CTNNA3: variants seen among roughly 807,000 people sequenced by gnomAD.
CTNNA3 encodes catenin alpha-3.
A neutral mutation model predicts 95.7 loss-of-function variants in CTNNA3; 76 were observed. The ratio of observed to expected loss-of-function variants is 0.79; its 90% confidence interval spans 0.66 to 0.96. CTNNA3 has a LOEUF of 0.96. Among genes scored for constraint, CTNNA3 ranks in the 40% least tolerant of loss-of-function variants. The pLI is 0.00. For missense variants in CTNNA3, 1,191 were observed against 1,089.8 expected (o/e 1.09, Z -1.31); for synonymous variants, 431 against 374.4 (o/e 1.15, Z -1.74).
chr10:67,630,435 G>A (rs2133434510), intron 2 of CTNNA3, among the ~76,000 whole-genome samples: 1 of 152,220 alleles, frequency 6.6e-6, no homozygotes, highest in South Asian at 2.1e-4. Context: ...TATTAGCCTG[G>A]GTCTCTGAGT....
intron 17 of CTNNA3, among the ~76,000 whole-genome samples, chr10:65,929,826 C>G (rs966096967): frequency 1.3e-5 from 2 of 152,046 alleles, no homozygotes; most frequent in Non-Finnish European, 2.9e-5. Flanking sequence ...CTTGGCCTCC[C>G]AAAGTGTTAG....
chr10:66,644,418 C>T (rs1490717990), intron 9 of CTNNA3, among the ~76,000 whole-genome samples: 1 of 147,232 alleles, frequency 6.8e-6, no homozygotes, highest in Non-Finnish European at 1.5e-5. Context: ...GAGACCAAGT[C>T]TCTTACTTGA....
At chr10:66,522,748 G>A (rs7923033) in intron 10 of CTNNA3, among the ~76,000 whole-genome samples, 36,271 of 150,794 alleles carry the variant, frequency 0.24, 5,378 homozygotes, top group East Asian at 0.79. Context: ...TTTTTAACCC[G>A]TCAAACTAGA....
intron 12 of CTNNA3, among the ~76,000 whole-genome samples, chr10:66,290,852 A>ATTCG (rs1366693270): frequency 5.3e-5 from 8 of 152,170 alleles, no homozygotes; most frequent in African/African-American, 1.9e-4. Flanking sequence ...ATGGTCATTC[A>ATTCG]GGTTTATCAG....
chr10:67,579,939 C>T (rs982313499), intron 3 of CTNNA3, among the ~76,000 whole-genome samples: 74 of 152,004 alleles, frequency 4.9e-4, no homozygotes, highest in African/African-American at 1.7e-3. Flanking sequence ...AGTTCTTTAT[C>T]GATTCTGGAT....
Position 65,979,075 on chromosome 10 carries a change from T to A in CTNNA3, c.2265+9617A>T, listed in dbSNP as rs142578079. On this transcript the variant is annotated intron_variant, in intron 16 of 17. Transcript: ENST00000433211. ...GGCATATCTCAATGAATAAAGGTTG[T>A]TTTTACCAGAAGTTATATATGCTGT... Among the ~76,000 whole-genome samples, 137 of 152,276 alleles carry A rather than the reference T, an allele frequency of 9.0e-4. 2 individuals carry two copies. Among genetic ancestry groups the A allele is most frequent in the African/African-American group, 3.1e-3 (130 of 41,586 alleles).
chr10:67,650,684 C>T (rs140401629), intron 1 of CTNNA3, among the ~76,000 whole-genome samples: 1 of 152,254 alleles, frequency 6.6e-6, no homozygotes, highest in East Asian at 1.9e-4. Context: ...TCATGGGGTG[C>T]ACACATTCAG....
chr10:66,081,171 T>C (rs567056387), intron 14 of CTNNA3, among the ~76,000 whole-genome samples: 2 of 152,156 alleles, frequency 1.3e-5, no homozygotes, highest in African/African-American at 4.8e-5. Context: ...GAAAGAGATA[T>C]GATGTAAGTG....
intron 7 of CTNNA3, among the ~76,000 whole-genome samples, chr10:66,889,014 A>T (rs1310460933): frequency 1.3e-5 from 2 of 152,226 alleles, no homozygotes; most frequent in African/African-American, 2.4e-5. Flanking sequence ...GGGTATATCC[A>T]GACAATGGAA....
At chr10:66,986,975 C>G (rs1476527514) in intron 7 of CTNNA3, among the ~76,000 whole-genome samples, 3 of 152,070 alleles carry the variant, frequency 2.0e-5, no homozygotes, top group African/African-American at 7.2e-5. Flanking sequence ...ATGGGCCTCA[C>G]TAATAAGCTG....
intron 7 of CTNNA3, among the ~76,000 whole-genome samples, chr10:67,140,927 G>A (rs1434270082): frequency 2.0e-5 from 3 of 152,140 alleles, no homozygotes; most frequent in African/African-American, 7.2e-5. Flanking sequence ...TGGGTGAGGT[G>A]TTGATCATAT....
At chr10:67,097,721 C>T (rs868309511) in intron 7 of CTNNA3, 2 of 1,612,650 alleles carry the variant, frequency 1.2e-6, no homozygotes, top group Admixed American at 1.7e-5. Context: ...TGGAAACACA[C>T]CTAGAGACTG....
At chr10:66,921,073 C>T (rs1846760923) in intron 7 of CTNNA3, among the ~76,000 whole-genome samples, 1 of 152,170 alleles carries the variant, frequency 6.6e-6, no homozygotes. Flanking sequence ...ATTTATTTCT[C>T]ACAGTTCTAA....
At chr10:66,934,180 GA>G (rs904543386) in intron 7 of CTNNA3, among the ~76,000 whole-genome samples, 2 of 151,000 alleles carry the variant, frequency 1.3e-5, no homozygotes, top group African/African-American at 2.4e-5. Flanking sequence ...CCATTTTATT[GA>G]AAAAAAAGAA....
chr10:66,290,983 C>T (rs929744660), intron 12 of CTNNA3, among the ~76,000 whole-genome samples: 2 of 152,138 alleles, frequency 1.3e-5, no homozygotes, highest in Non-Finnish European at 2.9e-5. Flanking sequence ...CAGAAAGCCT[C>T]AGATCAGGAT....
rs188022557 is a variant in CTNNA3, at chr10:66,605,453, C to A, written c.1374+16239G>T. On this transcript the variant is annotated intron_variant, in intron 10 of 17. Coordinates refer to ENST00000433211, the MANE Select transcript of CTNNA3 (RefSeq NM_013266.4). ...GGCCAACATTCAAATTCAGGAAATG[C>A]GAAGAACCCCAGTAAGATACTTCAC... 6.0e-4 allele frequency among the ~76,000 whole-genome samples: 92 copies of A among 152,108 alleles called. 2 individuals are homozygous for A. Among genetic ancestry groups the A allele is most frequent in the African/African-American group, 2.2e-3 (92 of 41,512 alleles).
chr10:66,439,157 T>C (rs996764921), intron 11 of CTNNA3, among the ~76,000 whole-genome samples: 3 of 152,114 alleles, frequency 2.0e-5, no homozygotes, highest in African/African-American at 7.2e-5. Context: ...CTATTCCTCA[T>C]GATACACATT....
At chr10:66,401,810 C>T (rs1336164457) in intron 11 of CTNNA3, among the ~76,000 whole-genome samples, 1 of 151,984 alleles carries the variant, frequency 6.6e-6, no homozygotes, top group East Asian at 2.0e-4. Context: ...AGGTGCCCAC[C>T]ACCACACCCA....
intron 17 of CTNNA3, among the ~76,000 whole-genome samples, chr10:65,928,924 G>A (rs1312390440): frequency 6.6e-6 from 1 of 152,024 alleles, no homozygotes; most frequent in East Asian, 1.9e-4. Context: ...TGTGCACAAC[G>A]TGCAGGTTAG....
Sources: gnomAD v4.1 joint callset for allele counts (sites outside exome capture counted in the v4.1 genomes callset) on GRCh38, gnomAD v4.1.1 for gene constraint, MANE v1.5 for transcripts, NCBI Gene and HGNC (gene_info 2026-07-23, HGNC 2026-07-21) for gene names.